CCDC7: variants seen among roughly 807,000 people sequenced by gnomAD.
The protein encoded by CCDC7 is coiled-coil domain-containing protein 7.
CCDC7 carries 183 observed loss-of-function variants against 196.9 expected under a neutral mutation model. That is an observed-to-expected ratio of 0.93 (90% CI 0.82 to 1.05). The LOEUF (loss-of-function observed/expected upper bound fraction) is 1.05. Among genes scored for constraint, CCDC7 ranks in the 50% least tolerant of loss-of-function variants. The pLI, the probability that CCDC7 is intolerant of heterozygous loss-of-function variation, is 0.00. For synonymous variants in CCDC7, 525 were observed against 484.6 expected, an observed-to-expected ratio of 1.08 and a Z score of -1.10; for missense variants, 1,540 against 1,482.2, an observed-to-expected ratio of 1.04 and a Z score of -0.64.
At chr10:32,524,468 A>T (rs946022279) in intron 11 of CCDC7, among the ~76,000 whole-genome samples, 5 of 152,166 alleles carry the variant, frequency 3.3e-5, no homozygotes, top group Admixed American at 2.6e-4. Context: ...TACTATTACC[A>T]GTGAGTTTTG....
Position 32,699,515 on chromosome 10 carries a change from CGTGTGCATGT to C in CCDC7, c.2458+4526_2458+4535del, listed in dbSNP as rs2078289364. 4.0e-5 allele frequency among the ~76,000 whole-genome samples: 6 copies of C among 148,780 alleles called. No homozygotes were observed. The South Asian group carries it at 1.2e-3, about 31-fold the overall frequency. On this transcript the variant is annotated intron_variant, in intron 24 of 41. Transcript: ENST00000639629. ...TGTGAATAGTGCCACAATAAACATA[CGTGTGCATGT>C]GTCTTTATAGCAGCATGATTTATAA... is the stretch of plus-strand genomic sequence containing the variant.
At chr10:32,445,323 C>T (rs1294458648), upstream of CCDC7, among the ~76,000 whole-genome samples, 3 of 152,112 alleles carry the variant, frequency 2.0e-5, no homozygotes, top group Non-Finnish European at 2.9e-5. Flanking sequence ...TCAGGAATCT[C>T]TTGTGAGGCA....
chr10:32,538,962 C>G (rs1589661637), intron 11 of CCDC7, among the ~76,000 whole-genome samples: 2 of 152,134 alleles, frequency 1.3e-5, no homozygotes, highest in African/African-American at 4.8e-5. Flanking sequence ...TGTTGTGTCT[C>G]TGCCAAGTTT....
chr10:32,688,969 A>G, intron 22 of CCDC7, 84 bp from the exon 24 acceptor site: 1 of 819,786 alleles, frequency 1.2e-6, no homozygotes. Flanking sequence ...AGAAAATGCC[A>G]CTGCACATTC....
At chr10:32,573,506 TC>T (rs964391175) in intron 16 of CCDC7, among the ~76,000 whole-genome samples, 5 of 152,088 alleles carry the variant, frequency 3.3e-5, no homozygotes, top group Non-Finnish European at 7.4e-5. Flanking sequence ...TTTGGAAAAA[TC>T]TTAAAGAGGG....
chr10:32,576,643 C>T, intron 16 of CCDC7, among the ~76,000 whole-genome samples: 1 of 151,144 alleles, frequency 6.6e-6, no homozygotes, highest in East Asian at 2.0e-4. Flanking sequence ...TTCAACCTCC[C>T]ACACTGAAGC....
chr10:32,458,804 T>C (rs2034948467), intron 3 of CCDC7, among the ~76,000 whole-genome samples: 1 of 152,158 alleles, frequency 6.6e-6, no homozygotes, highest in Non-Finnish European at 1.5e-5. Context: ...GTATTAATAA[T>C]TAATATTGTT....
At chr10:32,446,892 GCC>G, upstream of CCDC7, among the ~76,000 whole-genome samples, 1 of 81,692 alleles carries the variant, frequency 1.2e-5, no homozygotes, top group South Asian at 4.8e-4. Context: ...TTGCCTGCCT[GCC>G]TGCCTGCCTG....
intron 8 of CCDC7, among the ~76,000 whole-genome samples, chr10:32,485,955 GA>G (rs2040985871): frequency 6.6e-6 from 1 of 152,208 alleles, no homozygotes; most frequent in African/African-American, 2.4e-5. Context: ...GTGTGGTGCT[GA>G]GAAGATTGTA....
At chr10:32,878,342 A>G (rs2094664686), downstream of CCDC7, among the ~76,000 whole-genome samples, 1 of 152,136 alleles carries the variant, frequency 6.6e-6, no homozygotes, top group Admixed American at 6.6e-5. Context: ...GCAGTGAGCT[A>G]TTCAGAGGGA....
intron 18 of CCDC7, among the ~76,000 whole-genome samples, chr10:32,625,785 GTTGTT>G (rs1427271018): frequency 6.6e-6 from 1 of 151,832 alleles, no homozygotes; most frequent in Non-Finnish European, 1.5e-5. Flanking sequence ...TATGAGTTCA[GTTGTT>G]TTATCTTCCA....
chr10:32,865,329 A>G (rs1020178705), intron 41 of CCDC7, among the ~76,000 whole-genome samples: 3 of 151,714 alleles, frequency 2.0e-5, no homozygotes, highest in African/African-American at 7.3e-5. Flanking sequence ...AATGATGAAA[A>G]TGCATGTAAA....
chr10:32,816,605 C>T (rs4587632), intron 31 of CCDC7, among the ~76,000 whole-genome samples: 122 of 152,240 alleles, frequency 8.0e-4, no homozygotes, highest in African/African-American at 2.7e-3. Flanking sequence ...CAGACTGACA[C>T]CTCACATGGC....
At chr10:32,719,581 G>A (rs2082102678) in intron 25 of CCDC7, among the ~76,000 whole-genome samples, 1 of 152,102 alleles carries the variant, frequency 6.6e-6, no homozygotes, top group Admixed American at 6.6e-5. Context: ...GCATGAACAG[G>A]CAACCTATAG....
chr10:32,554,515 T>A (rs1477701039), intron 13 of CCDC7, among the ~76,000 whole-genome samples: 1 of 152,222 alleles, frequency 6.6e-6, no homozygotes, highest in Non-Finnish European at 1.5e-5. Context: ...TACTCTTATA[T>A]TTCACTTGGC....
chr10:32,648,333 G>A (rs1460843935), intron 20 of CCDC7, among the ~76,000 whole-genome samples: 1 of 152,004 alleles, frequency 6.6e-6, no homozygotes, highest in African/African-American at 2.4e-5. Flanking sequence ...TTCCATATAA[G>A]TTTTAGAATA....
At chr10:32,694,893 C>A in exon 24 of CCDC7, 1 of 1,592,260 alleles carries the variant, frequency 6.3e-7, no homozygotes, top group South Asian at 1.2e-5. Flanking sequence ...TGATGAAGAA[C>A]CAGGCAAAAA....
chr10:32,678,503 G>T (rs1016868038), intron 21 of CCDC7, among the ~76,000 whole-genome samples: 11 of 152,150 alleles, frequency 7.2e-5, no homozygotes, highest in Admixed American at 3.9e-4. Flanking sequence ...GCCTACTGCT[G>T]TGATTTGTGT....
chr10:32,826,774 G>C (rs2091185576), intron 32 of CCDC7, among the ~76,000 whole-genome samples: 1 of 152,212 alleles, frequency 6.6e-6, no homozygotes, highest in African/African-American at 2.4e-5. Flanking sequence ...CCCATTTCTA[G>C]GACATCCCTG....
Sources: gnomAD v4.1 joint callset for allele counts (sites outside exome capture counted in the v4.1 genomes callset) on GRCh38, gnomAD v4.1.1 for gene constraint, MANE v1.5 for transcripts, NCBI Gene and HGNC (gene_info 2026-07-23, HGNC 2026-07-21) for gene names.